The following P4HA3 variants were observed in gnomAD, a reference collection of about 807,000 sequenced individuals.
The protein encoded by P4HA3 is prolyl 4-hydroxylase subunit alpha-3.
In P4HA3, 60 loss-of-function variants were observed where a neutral mutation model predicts 66.7. The observed-to-expected ratio is 0.90, with a 90% CI of 0.73 to 1.12. The LOEUF (loss-of-function observed/expected upper bound fraction) is 1.12, where lower values mean the gene tolerates loss of function less well. Ranked by LOEUF, P4HA3 falls within the 50% of genes most tolerant of loss-of-function variation. The pLI is 0.00. For synonymous variants in P4HA3, 263 were observed against 274.6 expected (o/e 0.96, Z 0.42); for missense variants, 683 against 685.8 (o/e 1.00, Z 0.05).
At chr11:74,278,529 T>A (rs887725538) in intron 8 of P4HA3, among the ~76,000 whole-genome samples, 3 of 152,172 alleles carry the variant, frequency 2.0e-5, no homozygotes, top group African/African-American at 7.2e-5. Context: ...TGAAGAGTGA[T>A]GCAAGTGGAG....
At chr11:74,301,083 T>C (rs1861391815) in intron 3 of P4HA3, among the ~76,000 whole-genome samples, 1 of 151,954 alleles carries the variant, frequency 6.6e-6, no homozygotes. Flanking sequence ...GCAGAAGGGA[T>C]GGGGGGTGGC....
intron 3 of P4HA3, among the ~76,000 whole-genome samples, chr11:74,299,398 G>T (rs1358423863): frequency 6.6e-6 from 1 of 152,186 alleles, no homozygotes; most frequent in Non-Finnish European, 1.5e-5. Context: ...CAATTCTGCA[G>T]CCTAAACAAT....
chr11:74,257,060 AGGTT>A (rs1315117547), intron 15 of P4HA3, among the ~76,000 whole-genome samples: 1 of 152,166 alleles, frequency 6.6e-6, no homozygotes, highest in Non-Finnish European at 1.5e-5. Flanking sequence ...CGTTGTAAGA[AGGTT>A]GGGGGTGGGC....
intron 15 of P4HA3, among the ~76,000 whole-genome samples, chr11:74,259,570 C>CA (rs1218630726): frequency 6.6e-6 from 1 of 152,230 alleles, no homozygotes; most frequent in African/African-American, 2.4e-5. Flanking sequence ...TCATCCCCAG[C>CA]AAGAACTCTG....
chr11:74,286,069 T>A (rs377430745), intron 6 of P4HA3, 84 bp from the exon 7 acceptor site: 70 of 1,504,912 alleles, frequency 4.7e-5, no homozygotes, highest in Non-Finnish European at 5.6e-5. Flanking sequence ...CATAAAAAAA[T>A]TGGAATGCAA....
intron 7 of P4HA3, among the ~76,000 whole-genome samples, chr11:74,283,302 A>C (rs1273244942): frequency 6.6e-6 from 1 of 152,186 alleles, no homozygotes; most frequent in Non-Finnish European, 1.5e-5. Context: ...GGCTGTTATA[A>C]GGAAAAAGCA....
intron 15 of P4HA3, chr11:74,250,696 C>T: frequency 4.5e-6 from 2 of 440,914 alleles, no homozygotes; most frequent in Admixed American, 3.5e-5. Context: ...AGGACAAGAA[C>T]TGTTTCTTCT....
In P4HA3 at chr11:74,305,004, C is replaced by T. The variant is rs760840983; in HGVS notation, c.201-592G>A. Among the ~76,000 whole-genome samples, 6 of 152,092 alleles carry T rather than the reference C, an allele frequency of 3.9e-5. No homozygotes were observed. The South Asian group carries it at 6.2e-4, about 16-fold the overall frequency. On this transcript the variant is annotated intron_variant, in intron 1 of 12. Transcript: ENST00000331597. The stretch of plus-strand genomic sequence containing the variant: ...CATGTGCAGTTCACAATAAGGTTCA[C>T]GCTCCTATGAGAATCTAATGCCGTG...
chr11:74,266,925 C>T lies in P4HA3; in HGVS notation c.*323G>A. 1 of 1,264,628 alleles carries T rather than the reference C, an allele frequency of 7.9e-7. No homozygotes were observed. Among genetic ancestry groups the T allele is most frequent in the Non-Finnish European group, 1.1e-6 (1 of 943,394 alleles). 78.3% of individuals were successfully genotyped at this position (1,264,628 alleles called of 1,614,324 possible). The stretch of plus-strand genomic sequence containing the variant: ...AAGGTTCAAAGTGCCAAAAGACCCA[C>T]TGATCGAACCTGAGACTGTTGAGAT... On this transcript the variant is annotated 3_prime_UTR_variant, in exon 13 of 13. Transcript: ENST00000331597.
At chr11:74,267,639 G>A (rs1860034191) in intron 12 of P4HA3, among the ~76,000 whole-genome samples, 1 of 152,186 alleles carries the variant, frequency 6.6e-6, no homozygotes, top group African/African-American at 2.4e-5. Flanking sequence ...CCATTCCAGA[G>A]TACTGAGAGA....
chr11:74,296,559 TGAG>T (rs1390450770), intron 4 of P4HA3, among the ~76,000 whole-genome samples: 8 of 151,706 alleles, frequency 5.3e-5, no homozygotes, highest in African/African-American at 1.9e-4. Context: ...GCCTGGGGAG[TGAG>T]GAGAACTCAG....
At chr11:74,275,802 C>T (rs1265592090) in intron 9 of P4HA3, among the ~76,000 whole-genome samples, 2 of 152,102 alleles carry the variant, frequency 1.3e-5, no homozygotes. Flanking sequence ...TACTGGGTAT[C>T]TACCCAAAGG....
At chr11:74,294,423 G>A (rs984243381) in intron 4 of P4HA3, among the ~76,000 whole-genome samples, 13 of 151,854 alleles carry the variant, frequency 8.6e-5, no homozygotes, top group Admixed American at 2.0e-4. Flanking sequence ...TAGTTTGATC[G>A]TCTGAAGCCT....
At chr11:74,298,162 A>G in intron 4 of P4HA3, 50 bp downstream of exon 4, 1 of 1,575,118 alleles carries the variant, frequency 6.3e-7, no homozygotes, top group Non-Finnish European at 8.6e-7. Context: ...GCAGCTATAA[A>G]GGATTTCACT....
rs1010467862 is a variant in P4HA3 at position 74,304,126 on chromosome 11, T to C, written c.343+144A>G. 28 of 1,075,410 alleles carry C rather than the reference T, an allele frequency of 2.6e-5. 2 individuals carry two copies. The South Asian group carries it at 4.4e-4, about 17-fold the overall frequency. 66.6% of individuals were successfully genotyped at this position (1,075,410 alleles called of 1,614,324 possible). A position where few individuals can be genotyped will look rare whatever the true frequency, so the allele number is the denominator to read the frequency against. ...TGATTAGCAAGCGGGCCTAATTCTT[T>C]GTGCTAGCTAGAGCTAAGGATATTA... On this transcript the variant is annotated intron_variant, in intron 2 of 12. Coordinates refer to ENST00000331597, the MANE Select transcript of P4HA3 (RefSeq NM_182904.5).
At position 74,256,075 on chromosome 11, in the gene P4HA3, AGCAACTCTATGAG is replaced by A. The variant is rs1284319728; in HGVS notation, c.*1318+3835_*1318+3847del. The A allele has an allele frequency of 1.8e-4, 75 of 421,698 alleles. 1 individual carries two copies. Among genetic ancestry groups the A allele is most frequent in the South Asian group, 1.3e-3 (74 of 58,450 alleles). 26.1% of individuals were successfully genotyped at this position (421,698 alleles called of 1,614,324 possible). On this transcript the variant is annotated intron_variant and NMD_transcript_variant, in intron 15 of 15. Coordinates refer to the P4HA3 transcript ENST00000524388. ...GACACACATCTCATTTAATCTTCAC[AGCAACTCTATGAG>A]GTAGGTGCTGTTATGTTCCTTTTAC... is the stretch of plus-strand genomic sequence containing the variant.
chr11:74,303,463 T>C (rs959943232), intron 2 of P4HA3, among the ~76,000 whole-genome samples: 1 of 152,014 alleles, frequency 6.6e-6, no homozygotes, highest in Non-Finnish European at 1.5e-5. Flanking sequence ...ATTTTTGTTA[T>C]TTTTAATAGG....
At chr11:74,272,143 T>A (rs1239809155) in intron 10 of P4HA3, among the ~76,000 whole-genome samples, 12 of 152,198 alleles carry the variant, frequency 7.9e-5, no homozygotes, top group African/African-American at 1.9e-4. Flanking sequence ...CATTCCACTC[T>A]GTCTCAAATA....
intron 1 of P4HA3, among the ~76,000 whole-genome samples, chr11:74,304,812 C>T (rs1283070611): frequency 6.6e-6 from 1 of 152,112 alleles, no homozygotes; most frequent in African/African-American, 2.4e-5. Context: ...GTGATATGTG[C>T]TATATAGTGG....
Sources: gnomAD v4.1 joint callset for allele counts (sites outside exome capture counted in the v4.1 genomes callset) on GRCh38, gnomAD v4.1.1 for gene constraint, MANE v1.5 for transcripts, NCBI Gene and HGNC (gene_info 2026-07-23, HGNC 2026-07-21) for gene names.